Variants in SENP5 observed in about 807,000 individuals in gnomAD.
The protein encoded by SENP5 is sentrin-specific protease 5.
Under a neutral mutation model 74.2 loss-of-function variants are expected in SENP5, and 21 were observed. The ratio of observed to expected loss-of-function variants is 0.28; its 90% CI spans 0.20 to 0.41. The LOEUF is 0.41. Among genes scored for constraint, SENP5 ranks in the 10% least tolerant of loss-of-function variants. The pLI, the probability that SENP5 is intolerant of heterozygous loss-of-function variation, is 1.00. For missense variants in SENP5, 717 were observed against 889.1 expected (o/e 0.81, Z 2.46); for synonymous variants, 311 against 312.7 (o/e 0.99, Z 0.06).
At chr3:196,872,143 T>C (rs1713243527) in intron 1 of SENP5, among the ~76,000 whole-genome samples, 1 of 152,146 alleles carries the variant, frequency 6.6e-6, no homozygotes, top group South Asian at 2.1e-4. Flanking sequence ...AGGGGCTGTT[T>C]AGGCTTGGGG....
chr3:196,885,760 G>C lies in SENP5; in HGVS notation c.579G>C (p.Lys193Asn). 6.2e-7 allele frequency: 1 copy of C among 1,614,232 alleles called. No homozygotes were observed. Among genetic ancestry groups the C allele is most frequent in the Non-Finnish European group, 8.5e-7 (1 of 1,180,046 alleles). The part of the protein sequence containing the change: ...IVVTLNNHKR[K>N]GFCYGCCQGP... ...TCACCTTGAACAACCATAAGAGAAA[G>C]GGCTTTTGTTACGGCTGCTGCCAAG... is the stretch of plus-strand genomic sequence containing the variant. The change falls in exon 2 of 10, where the codon AAG becomes AAC. Residue 193 changes from lysine (K) to asparagine (N), a missense_variant. Lys to Asn is a moderately conservative substitution (Grantham distance 94). Around this residue, in one of 4 missense-constraint regions of SENP5, gnomAD observed 567 missense variants for 577.4 expected, o/e 0.98. Coordinates refer to ENST00000323460, the MANE Select transcript of SENP5 (RefSeq NM_152699.5).
chr3:196,870,046 A>G (rs1713143525), intron 1 of SENP5, among the ~76,000 whole-genome samples: 1 of 152,172 alleles, frequency 6.6e-6, no homozygotes. Context: ...GCTCAGTTTG[A>G]GAACGGGGTT....
At chr3:196,890,656 T>G (rs536563461) in intron 2 of SENP5, among the ~76,000 whole-genome samples, 1 of 152,294 alleles carries the variant, frequency 6.6e-6, no homozygotes, top group South Asian at 2.1e-4. Context: ...TGCAAGTTCT[T>G]TAAGTTCTTG....
chr3:196,926,661 CAG>C (rs1715825467), intron 7 of SENP5, among the ~76,000 whole-genome samples: 1 of 116,626 alleles, frequency 8.6e-6, no homozygotes, highest in African/African-American at 3.3e-5. Flanking sequence ...TTTTTTGAGT[CAG>C]AGTCTCACTC....
intron 2 of SENP5, among the ~76,000 whole-genome samples, chr3:196,893,917 A>C (rs6786938): frequency 0.22 from 33,750 of 151,088 alleles, 3,917 homozygotes; most frequent in African/African-American, 0.28. Context: ...CTCAAAAAAA[A>C]AAAAAAAAAA....
At position 196,931,108 on chromosome 3, in the gene SENP5, T is replaced by C; in HGVS notation, c.*185T>C. Reference sequence around the variant, plus strand: ...AGCTACCATGTACTATTGTTTAATGTTCAGTTTGGTTTCATTTTTAATTTT... The same window carrying C: ...AGCTACCATGTACTATTGTTTAATGCTCAGTTTGGTTTCATTTTTAATTTT... On this transcript the variant is annotated 3_prime_UTR_variant, in exon 10 of 10. Transcript: ENST00000323460. 1 of 563,840 alleles carries C rather than the reference T, an allele frequency of 1.8e-6. No homozygotes were observed. Among genetic ancestry groups the C allele is most frequent in the Non-Finnish European group, 3.2e-6 (1 of 315,620 alleles). 34.9% of individuals were successfully genotyped at this position (563,840 alleles called of 1,614,324 possible).
At chr3:196,896,293 A>G (rs1714437343) in intron 2 of SENP5, among the ~76,000 whole-genome samples, 1 of 152,200 alleles carries the variant, frequency 6.6e-6, no homozygotes, top group African/African-American at 2.4e-5. Flanking sequence ...AAGATAACAG[A>G]TATTTCTTGC....
At chr3:196,879,396 A>G (rs780553625) in intron 1 of SENP5, among the ~76,000 whole-genome samples, 1 of 152,016 alleles carries the variant, frequency 6.6e-6, no homozygotes, top group Non-Finnish European at 1.5e-5. Context: ...TCTTTTGTTT[A>G]GTGTTCTCTG....
At chr3:196,921,441 G>A (rs1413948397) in intron 6 of SENP5, among the ~76,000 whole-genome samples, 1 of 152,126 alleles carries the variant, frequency 6.6e-6, no homozygotes, top group East Asian at 1.9e-4. Context: ...TAGTGTGTTA[G>A]AAGAAGAAAA....
rs541396168 is a variant in SENP5, at chr3:196,929,508, T to C, written c.2107-125T>C. On this transcript the variant is annotated intron_variant, in intron 8 of 9. Transcript: ENST00000323460. ...AAAATTAGATGCTTGAGATATCAGA[T>C]ATACCAGCTGTCCTGGAGAGAGAAA... 16 of 591,100 alleles carry C rather than the reference T, an allele frequency of 2.7e-5. No homozygotes were observed. In the East Asian group the frequency reaches 4.7e-4, roughly 17 times the overall value. The allele number at this position is 591,100 out of a possible 1,614,324, so 36.6% of individuals were successfully genotyped here.
At chr3:196,914,516 A>ACTC (rs1411605913) in intron 6 of SENP5, 1 of 139,446 alleles carries the variant, frequency 7.2e-6, no homozygotes, top group Non-Finnish European at 1.5e-5. Flanking sequence ...AGTTCCAGCT[A>ACTC]CTCCGGAGGC....
chr3:196,882,203 C>CT (rs1010249573), intron 1 of SENP5, among the ~76,000 whole-genome samples: 5 of 150,604 alleles, frequency 3.3e-5, no homozygotes, highest in Non-Finnish European at 4.4e-5. Context: ...TCAGCCCCCT[C>CT]TTTTTTTTTA....
intron 6 of SENP5, among the ~76,000 whole-genome samples, chr3:196,920,934 A>G (rs1395470851): frequency 2.0e-5 from 3 of 152,184 alleles, no homozygotes; most frequent in Admixed American, 1.3e-4. Context: ...TCTCTTTGGG[A>G]GGGCAGAGAA....
At chr3:196,885,023 G>GTGTCC in intron 1 of SENP5, 128 bp from the exon 2 acceptor site, 1 of 583,538 alleles carries the variant, frequency 1.7e-6, no homozygotes, top group African/African-American at 1.9e-5. Context: ...AGATTTCATT[G>GTGTCC]TGTCCAATAG....
intron 6 of SENP5, among the ~76,000 whole-genome samples, chr3:196,916,899 C>T (rs1334576886): frequency 1.3e-5 from 2 of 151,930 alleles, no homozygotes; most frequent in African/African-American, 4.8e-5. Flanking sequence ...TTTGGGAGGC[C>T]TAGGTGGGTA....
chr3:196,874,862 A>G (rs868256772), intron 1 of SENP5, among the ~76,000 whole-genome samples: 42 of 151,964 alleles, frequency 2.8e-4, no homozygotes, highest in Non-Finnish European at 5.3e-4. Context: ...CTGGGCAACA[A>G]GAGTGGGAAA....
rs758924273 is a variant in SENP5 at position 196,902,630 on chromosome 3, TGAG to T, written c.1807-902_1807-900del. Among the ~76,000 whole-genome samples the T allele has an allele frequency of 3.3e-5, 5 of 152,356 alleles. No individual in the cohort carries two copies. The East Asian group carries it at 5.8e-4, about 18-fold the overall frequency. ...CACTACTGGTCAGGTGACCACACTC[TGAG>T]AACCACAGTGCTAAGGGAACAGTTT... On this transcript the variant is annotated intron_variant, in intron 5 of 9. Coordinates refer to ENST00000323460, the MANE Select transcript of SENP5 (RefSeq NM_152699.5).
chr3:196,897,907 C>T (rs1430051916), intron 2 of SENP5, among the ~76,000 whole-genome samples: 8 of 151,848 alleles, frequency 5.3e-5, no homozygotes, highest in Non-Finnish European at 1.2e-4. Flanking sequence ...CGCGGTGGCT[C>T]ACACCTGTAA....
rs539044146 is a variant in SENP5, at chr3:196,892,666, C to T, written c.1513+5972C>T. Among the ~76,000 whole-genome samples the T allele has an allele frequency of 8.5e-5, 13 of 152,304 alleles. No homozygotes were observed. The South Asian group carries it at 1.5e-3, about 17-fold the overall frequency. Reference sequence around the variant, plus strand: ...GTACAATAGATCTCTAGGACCACTTCCTCCTGTCTAACGGAAGCTTTATGA... The same window carrying T: ...GTACAATAGATCTCTAGGACCACTTTCTCCTGTCTAACGGAAGCTTTATGA... On this transcript the variant is annotated intron_variant, in intron 2 of 9. Coordinates refer to ENST00000323460, the MANE Select transcript of SENP5 (RefSeq NM_152699.5).
Sources: allele counts gnomAD v4.1 joint callset (sites outside exome capture counted in the v4.1 genomes callset), GRCh38; gene constraint gnomAD v4.1.1; regional missense constraint gnomAD v4.1.1; transcripts MANE v1.5; gene names NCBI Gene and HGNC (gene_info 2026-07-23, HGNC 2026-07-21).